DSG4: variants seen among roughly 807,000 people sequenced by gnomAD.
The protein encoded by DSG4 is desmoglein 4.
Under a neutral mutation model 93.1 loss-of-function variants are expected in DSG4, and 87 were observed. That is an observed-to-expected ratio of 0.93 (90% confidence interval 0.79 to 1.12). DSG4 has a LOEUF of 1.12. DSG4 is among the 50% of genes most tolerant of loss of function. The pLI, the probability that DSG4 is intolerant of heterozygous loss-of-function variation, is 0.00. For missense variants in DSG4, 1,373 were observed against 1,285.7 expected, an observed-to-expected ratio of 1.07 and a Z score of -1.04; for synonymous variants, 432 against 452.9, an observed-to-expected ratio of 0.95 and a Z score of 0.59.
chr18:31,380,423 G>T (rs567911273), intron 1 of DSG4, among the ~76,000 whole-genome samples: 1 of 152,260 alleles, frequency 6.6e-6, no homozygotes, highest in South Asian at 2.1e-4. Flanking sequence ...CCAAGTGGGA[G>T]CACAGTTGGA....
chr18:31,377,059 T>A, intron 1 of DSG4, 100 bp downstream of exon 1: 1 of 1,282,830 alleles, frequency 7.8e-7, no homozygotes. Flanking sequence ...ATTTTTAATC[T>A]CCTTCCTGCA....
chr18:31,413,405 G>A lies in DSG4; in HGVS notation c.2933G>A (p.Ser978Asn). Residue 978 changes from serine to asparagine, a missense_variant, in exon 16 of 16, where the codon AGC becomes AAC. Ser to Asn is a conservative substitution (Grantham distance 46, BLOSUM62 1). Transcript: ENST00000308128. ...GCTAGTCCTGGTGTGCCTGACATGA[G>A]CAATAGTAGCACGACTGAGGGTTGT... The part of the protein sequence containing the change: ...VLASPGVPDM[S>N]NSSTTEGCMG... The A allele has an allele frequency of 1.2e-6, 2 of 1,614,066 alleles. No individual in the cohort carries two copies. Among genetic ancestry groups the A allele is most frequent in the Non-Finnish European group, 1.7e-6 (2 of 1,179,988 alleles).
intron 12 of DSG4, 131 bp from the exon 13 acceptor site, chr18:31,409,321 A>T: frequency 7.3e-7 from 1 of 1,375,220 alleles, no homozygotes; most frequent in Non-Finnish European, 1.0e-6. Context: ...GAAAAAAATG[A>T]GATTTTCTTA....
Position 31,399,410 on chromosome 18 carries a change from G to A in DSG4, c.1144G>A (p.Gly382Arg), listed in dbSNP as rs1272347102. Reference sequence around the variant, plus strand: ...AATTCAAGTTGTTGATGTGAGAGAAGGACCTGCATTTCATCCAAGTACTAT... The same window carrying A: ...AATTCAAGTTGTTGATGTGAGAGAAAGACCTGCATTTCATCCAAGTACTAT... ...VRIQVVDVRE[G>R]PAFHPSTMAF... Residue 382 changes from glycine to arginine, a missense_variant, in exon 9 of 16, where the codon GGA becomes AGA. Transcript: ENST00000308128. The A allele has an allele frequency of 1.2e-6, 2 of 1,614,092 alleles. No homozygotes were observed. Among genetic ancestry groups the A allele is most frequent in the South Asian group, 1.1e-5 (1 of 91,082 alleles).
chr18:31,385,175 AT>A lies in DSG4; in HGVS notation c.84+5del. ...AAACAGTGAATTTATTGTTGAGGTAATGTAAAATAAAATTATTTTCTCAATT... is the reference window on the plus strand; with the variant it reads ...AAACAGTGAATTTATTGTTGAGGTAAGTAAAATAAAATTATTTTCTCAATT... On this transcript the variant is annotated splice_donor_5th_base_variant and intron_variant, in intron 2 of 15. Coordinates refer to ENST00000308128, the MANE Select transcript of DSG4 (RefSeq NM_177986.5). 1 of 1,574,764 alleles carries A rather than the reference AT, an allele frequency of 6.4e-7. No individual in the cohort carries two copies. The highest frequency in any genetic ancestry group is 8.7e-7 in the Non-Finnish European group (1 of 1,153,310).
rs549384226 is a variant in DSG4, at chr18:31,413,724, A to G, written c.*129A>G. ...ACTCAGATATTCTAAGGTCAATGCC[A>G]TTATTTGATTATACCATTTTGAGGG... is the stretch of plus-strand genomic sequence containing the variant. On this transcript the variant is annotated 3_prime_UTR_variant, in exon 16 of 16. Coordinates refer to ENST00000308128, the MANE Select transcript of DSG4 (RefSeq NM_177986.5). 9 of 1,233,034 alleles carry G rather than the reference A, an allele frequency of 7.3e-6. No individual in the cohort carries two copies. In the East Asian group the frequency reaches 2.3e-4, roughly 31 times the overall value. The allele number at this position is 1,233,034 out of a possible 1,614,324, so 76.4% of individuals were successfully genotyped here.
At chr18:31,390,904 C>T in intron 6 of DSG4, 82 bp downstream of exon 6, 1 of 1,542,262 alleles carries the variant, frequency 6.5e-7, no homozygotes, top group Non-Finnish European at 8.8e-7. Context: ...TGTACCCTTA[C>T]TCCAATATAA....
intron 14 of DSG4, 83 bp downstream of exon 14, chr18:31,409,891 T>G (rs997893553): frequency 2.3e-5 from 34 of 1,467,370 alleles, no homozygotes; most frequent in Non-Finnish European, 3.0e-5. Flanking sequence ...AAGTACCTTA[T>G]GGAAAAGTCT....
rs1268282251 is a variant in DSG4 at position 31,413,999 on chromosome 18, T to G, written c.*404T>G. ...CCAGCCATATTTTTCGTTAGGGAAA[T>G]ATTTATATTAAAATTTTTAATTGAA... On this transcript the variant is annotated 3_prime_UTR_variant, in exon 16 of 16. Coordinates refer to ENST00000308128, the MANE Select transcript of DSG4 (RefSeq NM_177986.5). 1 of 160,228 alleles carries G rather than the reference T, an allele frequency of 6.2e-6. No homozygotes were observed. Among genetic ancestry groups the G allele is most frequent in the East Asian group, 1.8e-4 (1 of 5,596 alleles). 9.9% of individuals were successfully genotyped at this position (160,228 alleles called of 1,614,324 possible). A position where few individuals can be genotyped will look rare whatever the true frequency, so the allele number is the denominator to read the frequency against.
chr18:31,388,882 C>A lies in DSG4; in HGVS notation c.381C>A (p.Cys127Ter). 1 of 1,613,508 alleles carries A rather than the reference C, an allele frequency of 6.2e-7. No individual in the cohort carries two copies. Among genetic ancestry groups the A allele is most frequent in the South Asian group, 1.1e-5 (1 of 91,052 alleles). ...REITPLFLIY[C>*]RALNSRGEDL... ...TTTCCAATTTTCCACAGATCTATTG[C>A]CGGGCTCTGAATTCACGGGGTGAAG... is the stretch of plus-strand genomic sequence containing the variant. The change falls in exon 5 of 16, where the codon TGC (cysteine) becomes TGA (stop). Residue 127 changes from cysteine to a stop codon, truncating the protein, a stop_gained. Coordinates refer to ENST00000308128, the MANE Select transcript of DSG4 (RefSeq NM_177986.5). LOFTEE classifies it high-confidence loss of function.
Position 31,390,779 on chromosome 18 carries a change from A to G in DSG4, c.641A>G (p.Tyr214Cys), listed in dbSNP as rs979177954. 4 of 1,613,790 alleles carry G rather than the reference A, an allele frequency of 2.5e-6. No homozygotes were observed. The highest frequency in any genetic ancestry group is 1.1e-5 in the South Asian group (1 of 91,074). Residue 214 changes from tyrosine (Y) to cysteine (C), a missense_variant, in exon 6 of 16, where the codon TAC becomes TGC. Coordinates refer to ENST00000308128, the MANE Select transcript of DSG4 (RefSeq NM_177986.5). Reference sequence around the variant, plus strand: ...GCACCCATGTTCATTCTGAATAGGTACACTGGAGAAGTCTGCACCATGTCC... The same window carrying G: ...GCACCCATGTTCATTCTGAATAGGTGCACTGGAGAAGTCTGCACCATGTCC... ...SGAPMFILNR[Y>C]TGEVCTMSSF...
rs2072528058 is a variant in DSG4, at chr18:31,413,910, A to C, written c.*315A>C. 4.8e-6 allele frequency: 1 copy of C among 208,066 alleles called. No homozygotes were observed. The highest frequency in any genetic ancestry group is 9.1e-5 in the South Asian group (1 of 10,934). 12.9% of individuals were successfully genotyped at this position (208,066 alleles called of 1,614,324 possible). ...TCCTATGGGTCTTGAGGCCTGTAGA[A>C]CCAATCTTGTAAACCAAGATGCCTT... On this transcript the variant is annotated 3_prime_UTR_variant, in exon 16 of 16. Transcript: ENST00000308128.
In DSG4 at chr18:31,399,498, A is replaced by G; in HGVS notation, c.1232A>G (p.Tyr411Cys). ...SSLLNYVLGT[Y>C]TAIDLDTGNP... ...TTATTGAATTATGTGCTTGGCACAT[A>G]TACAGCCATAGATTTGGACACAGGA... is the stretch of plus-strand genomic sequence containing the variant. The change falls in exon 9 of 16, where the codon TAT becomes TGT. Residue 411 changes from tyrosine to cysteine, a missense_variant. By Grantham distance (194) the Tyr-to-Cys change is radical (BLOSUM62 -2). Transcript: ENST00000308128. 1.9e-6 allele frequency: 3 copies of G among 1,614,102 alleles called. No homozygotes were observed. The highest frequency in any genetic ancestry group is 2.5e-6 in the Non-Finnish European group (3 of 1,179,946).
chr18:31,406,463 T>G (rs2072428873), intron 12 of DSG4, 90 bp downstream of exon 12: 1 of 1,529,400 alleles, frequency 6.5e-7, no homozygotes, highest in Non-Finnish European at 9.0e-7. Flanking sequence ...CATGGAGCCA[T>G]TTCTTTTTGG....
Position 31,383,483 on chromosome 18 carries a change from T to C in DSG4, c.49-1653T>C, listed in dbSNP as rs186630211. ...TTTTAAAACTCTAGCTTTATTCTAGTATATTCCTTTAAAACTCTAGTTTAA... is the reference window on the plus strand; with the variant it reads ...TTTTAAAACTCTAGCTTTATTCTAGCATATTCCTTTAAAACTCTAGTTTAA... On this transcript the variant is annotated intron_variant, in intron 1 of 15. Transcript: ENST00000308128. Among the ~76,000 whole-genome samples the C allele has an allele frequency of 4.6e-5, 7 of 152,256 alleles. 1 individual carries two copies. The East Asian group carries it at 1.4e-3, about 29-fold the overall frequency.
chr18:31,402,138 GCTGTCAAAATGTAC>G (rs1191310016), intron 10 of DSG4, among the ~76,000 whole-genome samples: 1 of 152,184 alleles, frequency 6.6e-6, no homozygotes, highest in Non-Finnish European at 1.5e-5. Flanking sequence ...GAGAGAAAGT[GCTGTCAAAATGTAC>G]CAAGAGAAAC....
chr18:31,409,616 G>A (rs2072464616), intron 13 of DSG4, 25 bp downstream of exon 13: 20 of 1,614,092 alleles, frequency 1.2e-5, no homozygotes, highest in Non-Finnish European at 1.6e-5. Context: ...ACTCTCCAGA[G>A]AAGTGTGGAG....
At chr18:31,379,776 T>A (rs1055448635) in intron 1 of DSG4, among the ~76,000 whole-genome samples, 3 of 152,220 alleles carry the variant, frequency 2.0e-5, no homozygotes, top group African/African-American at 7.2e-5. Context: ...CACTCAAATA[T>A]GTTATTCTGA....
intron 12 of DSG4, among the ~76,000 whole-genome samples, chr18:31,407,150 C>CCA (rs1273546182): frequency 6.6e-6 from 1 of 151,832 alleles, no homozygotes; most frequent in Non-Finnish European, 1.5e-5. Flanking sequence ...CAAAAAAAAA[C>CCA]CACACACACA....
Sources: allele counts gnomAD v4.1 joint callset (sites outside exome capture counted in the v4.1 genomes callset), GRCh38; gene constraint gnomAD v4.1.1; transcripts MANE v1.5; gene names NCBI Gene and HGNC (gene_info 2026-07-23, HGNC 2026-07-21).